NALF1: variants seen among roughly 807,000 people sequenced by gnomAD.
NALF1 encodes family with sequence similarity 155 member A.
NALF1 carries 3 observed loss-of-function variants against 48.4 expected under a neutral mutation model. That is an observed-to-expected ratio of 0.06 (90% CI 0.03 to 0.16). NALF1 has a LOEUF of 0.16. Among genes scored for constraint, NALF1 ranks in the 10% least tolerant of loss-of-function variants. NALF1 has a pLI of 1.00. For missense variants in NALF1, 526 were observed against 571.5 expected, an observed-to-expected ratio of 0.92 and a Z score of 0.81; for synonymous variants, 262 against 245.7, an observed-to-expected ratio of 1.07 and a Z score of -0.62.
chr13:107,649,203 T>C (rs1299158971), intron 1 of NALF1, among the ~76,000 whole-genome samples: 1 of 152,234 alleles, frequency 6.6e-6, no homozygotes, highest in Non-Finnish European at 1.5e-5. Flanking sequence ...TACTATTAAC[T>C]AACTTTGTTA....
chr13:107,588,776 C>T (rs1225406440), intron 1 of NALF1, among the ~76,000 whole-genome samples: 1 of 151,928 alleles, frequency 6.6e-6, no homozygotes, highest in African/African-American at 2.4e-5. Flanking sequence ...TGCATAGGTA[C>T]AAAACTGAAT....
intron 1 of NALF1, among the ~76,000 whole-genome samples, chr13:107,425,466 T>C (rs1278217717): frequency 6.6e-6 from 1 of 152,202 alleles, no homozygotes; most frequent in Non-Finnish European, 1.5e-5. Context: ...AAAGAACATA[T>C]TAAATATCAA....
chr13:107,580,269 G>A (rs953193903), intron 1 of NALF1, among the ~76,000 whole-genome samples: 3 of 152,264 alleles, frequency 2.0e-5, no homozygotes, highest in South Asian at 4.1e-4. Flanking sequence ...GACACAGGAA[G>A]GGGAACGTCA....
chr13:107,841,485 G>T (rs1469231520), intron 1 of NALF1, among the ~76,000 whole-genome samples: 1 of 152,012 alleles, frequency 6.6e-6, no homozygotes, highest in Non-Finnish European at 1.5e-5. Context: ...GAAAAAAGGG[G>T]GAAATCCCCA....
At chr13:107,211,359 G>A (rs1594072129) in intron 1 of NALF1, among the ~76,000 whole-genome samples, 1 of 152,232 alleles carries the variant, frequency 6.6e-6, no homozygotes, top group African/African-American at 2.4e-5. Context: ...ACCCGACATA[G>A]AGCAGACATC....
Position 107,571,961 on chromosome 13 carries a change from T to G in NALF1, c.915+293721A>C, listed in dbSNP as rs553761818. On this transcript the variant is annotated intron_variant, in intron 1 of 2. Coordinates refer to ENST00000375915, the MANE Select transcript of NALF1 (RefSeq NM_001080396.3). ...AATCATCGATTTGTAGAAATCATAT[T>G]GAGAAACGTGTGTGTAGCAAATTAC... Among the ~76,000 whole-genome samples, 5 of 152,324 alleles carry G rather than the reference T, an allele frequency of 3.3e-5. No homozygotes were observed. The South Asian group carries it at 1.0e-3, about 32-fold the overall frequency.
chr13:107,631,314 T>C (rs2138448745), intron 1 of NALF1, among the ~76,000 whole-genome samples: 1 of 152,296 alleles, frequency 6.6e-6, no homozygotes, highest in African/African-American at 2.4e-5. Context: ...GGAGACCTTA[T>C]GCACATGCCT....
intron 1 of NALF1, among the ~76,000 whole-genome samples, chr13:107,517,280 T>C (rs1041710518): frequency 6.6e-6 from 1 of 152,028 alleles, no homozygotes; most frequent in African/African-American, 2.4e-5. Flanking sequence ...AAGCAAAATA[T>C]TGGCAAACAA....
chr13:107,465,500 T>G (rs990460611), intron 1 of NALF1, among the ~76,000 whole-genome samples: 1 of 152,146 alleles, frequency 6.6e-6, no homozygotes, highest in Non-Finnish European at 1.5e-5. Flanking sequence ...AAGATTCTGA[T>G]GAGCAAAGTA....
At chr13:107,547,784 T>A (rs1247525499) in intron 1 of NALF1, among the ~76,000 whole-genome samples, 1 of 152,204 alleles carries the variant, frequency 6.6e-6, no homozygotes, top group Non-Finnish European at 1.5e-5. Context: ...TCTCTTAAAT[T>A]GAAATGTATT....
At chr13:107,403,188 C>CTTTTTTTTTTTTTTTTTTTTTTTTTT (rs10710356) in intron 1 of NALF1, among the ~76,000 whole-genome samples, 6 of 42,488 alleles carry the variant, frequency 1.4e-4, no homozygotes, top group Non-Finnish European at 1.7e-4. Flanking sequence ...CTTGTTCGGG[C>CTTTTTTTTTTTTTTTTTTTTTTTTTT]TTTTTTTTTT....
chr13:107,747,934 C>T (rs943048214), intron 1 of NALF1, among the ~76,000 whole-genome samples: 7 of 152,236 alleles, frequency 4.6e-5, no homozygotes, highest in African/African-American at 1.7e-4. Flanking sequence ...ATAGGATAAT[C>T]TTATGTCTCA....
intron 1 of NALF1, among the ~76,000 whole-genome samples, chr13:107,676,036 T>C (rs6492066): frequency 0.98 from 149,574 of 152,198 alleles, 73,551 homozygotes; most frequent in East Asian, 1. Context: ...TGCCAATTCT[T>C]CTTCCTTCCC....
chr13:107,771,555 C>T (rs1877577407), intron 1 of NALF1, among the ~76,000 whole-genome samples: 1 of 150,750 alleles, frequency 6.6e-6, no homozygotes, highest in African/African-American at 2.4e-5. Flanking sequence ...CAGAGGCGTT[C>T]GAACCAGAGC....
chr13:107,763,757 T>A (rs1877338575), intron 1 of NALF1, among the ~76,000 whole-genome samples: 2 of 152,132 alleles, frequency 1.3e-5, no homozygotes, highest in Non-Finnish European at 2.9e-5. Flanking sequence ...CTGTTTTGTA[T>A]CACTGAATTA....
intron 1 of NALF1, among the ~76,000 whole-genome samples, chr13:107,580,791 A>G (rs1878284001): frequency 6.6e-6 from 1 of 152,202 alleles, no homozygotes; most frequent in Non-Finnish European, 1.5e-5. Flanking sequence ...CTGAATTATA[A>G]CTAAACATTT....
chr13:107,721,521 T>A (rs896357565), intron 1 of NALF1, among the ~76,000 whole-genome samples: 5 of 152,176 alleles, frequency 3.3e-5, no homozygotes, highest in African/African-American at 9.7e-5. Flanking sequence ...AGACTACAGC[T>A]CTCTCCACGG....
At chr13:107,512,311 T>G (rs1237134401) in intron 1 of NALF1, among the ~76,000 whole-genome samples, 3 of 152,112 alleles carry the variant, frequency 2.0e-5, no homozygotes, top group Non-Finnish European at 4.4e-5. Flanking sequence ...GGAGAATCAC[T>G]TGAACCTGGG....
At chr13:107,615,819 C>T (rs1032059614) in intron 1 of NALF1, among the ~76,000 whole-genome samples, 2 of 152,160 alleles carry the variant, frequency 1.3e-5, no homozygotes, top group African/African-American at 4.8e-5. Flanking sequence ...ATATCTTCAT[C>T]GAGCAGCAAT....
Sources: gnomAD v4.1 joint callset for allele counts (sites outside exome capture counted in the v4.1 genomes callset) on GRCh38, gnomAD v4.1.1 for gene constraint, MANE v1.5 for transcripts, NCBI Gene and HGNC (gene_info 2026-07-23, HGNC 2026-07-21) for gene names.